IFITM10: variants seen among roughly 807,000 people sequenced by gnomAD.
IFITM10 encodes interferon-induced transmembrane protein 10.
IFITM10 carries 17 observed loss-of-function variants against 19.0 expected under a neutral mutation model. The ratio of observed to expected loss-of-function variants is 0.90; its 90% CI spans 0.61 to 1.34. IFITM10 has a LOEUF of 1.34. Among genes scored for constraint, IFITM10 ranks in the 40% most tolerant of loss-of-function variants. The probability of loss-of-function intolerance (pLI) is 0.00; values close to 1 mark genes in which losing one functional copy is unlikely to be tolerated. For synonymous variants in IFITM10, 148 were observed against 147.2 expected (o/e 1.01, Z -0.04); for missense variants, 306 against 319.8 (o/e 0.96, Z 0.33).
chr11:1,737,731 A>C (rs1346045910), intron 2 of IFITM10, among the ~76,000 whole-genome samples: 1 of 152,238 alleles, frequency 6.6e-6, no homozygotes, highest in East Asian at 1.9e-4. Context: ...GATAATGCTC[A>C]TCTTATCATT....
At chr11:1,740,371 G>T (rs1457078195) in intron 2 of IFITM10, among the ~76,000 whole-genome samples, 2 of 151,438 alleles carry the variant, frequency 1.3e-5, no homozygotes, top group Admixed American at 1.3e-4. Context: ...AATGGTCCAG[G>T]GGAGGGTGAG....
chr11:1,742,915 TG>T (rs1777071216), intron 2 of IFITM10, among the ~76,000 whole-genome samples: 1 of 150,892 alleles, frequency 6.6e-6, no homozygotes, highest in South Asian at 2.1e-4. Flanking sequence ...AGATGGAGGA[TG>T]GATAGATGGA....
chr11:1,750,311 C>T (rs1246435168), intron 1 of IFITM10, 48 bp downstream of exon 1: 2 of 1,550,308 alleles, frequency 1.3e-6, no homozygotes, highest in African/African-American at 2.7e-5. Flanking sequence ...CCCTCCAAGT[C>T]CCCCACTTCA....
chr11:1,734,302 C>G lies in IFITM10; in HGVS notation c.*978G>C, dbSNP rs550201516. On this transcript the variant is annotated 3_prime_UTR_variant, in exon 3 of 3. Coordinates refer to ENST00000340134, the MANE Select transcript of IFITM10 (RefSeq NM_001170820.4). Reference sequence around the variant, plus strand: ...CTGCACATGCCATGGGCCGTCAGGGCGCTGGCCTCGGCCTTTGAAAGGCAT... The same window carrying G: ...CTGCACATGCCATGGGCCGTCAGGGGGCTGGCCTCGGCCTTTGAAAGGCAT... The G allele has an allele frequency of 3.3e-5, 5 of 152,126 alleles. No individual in the cohort carries two copies. Among genetic ancestry groups the G allele is most frequent in the African/African-American group, 9.7e-5 (4 of 41,402 alleles). The allele number at this position is 152,126 out of a possible 1,614,324, so 9.4% of individuals were successfully genotyped here.
At chr11:1,740,154 T>G (rs149608686) in intron 2 of IFITM10, among the ~76,000 whole-genome samples, 1,857 of 151,682 alleles carry the variant, frequency 0.012, 39 homozygotes, top group African/African-American at 0.042. Context: ...ACAAAAATTA[T>G]CCAGGTGTGG....
At chr11:1,748,225 C>T (rs1459108206) in intron 1 of IFITM10, 106 bp from the exon 2 acceptor site, 4 of 898,130 alleles carry the variant, frequency 4.5e-6, no homozygotes, top group African/African-American at 3.5e-5. Flanking sequence ...GAAATCCCTG[C>T]GGGGGCCGCC....
Position 1,735,403 on chromosome 11 carries a change from G to A in IFITM10, c.564C>T (p.Asp188=). Residue 188 remains aspartate, a synonymous_variant, in exon 3 of 3, where the codon GAC becomes GAT. Transcript: ENST00000340134. ...TTGCATCCTCCACGGCTCCATTCAG[G>A]TCATTGAGAAGCTTCTTGTCTCGCA... The part of the protein sequence containing the change: ...LKVRDKKLLN[D]LNGAVEDAKT... The A allele has an allele frequency of 2.6e-6, 4 of 1,551,632 alleles. No homozygotes were observed. The highest frequency in any genetic ancestry group is 3.5e-6 in the Non-Finnish European group (4 of 1,146,932).
chr11:1,747,981 C>T lies in IFITM10; in HGVS notation c.223G>A (p.Ala75Thr), dbSNP rs555924410. The change falls in exon 2 of 3, where the codon GCT (alanine) becomes ACT (threonine). Residue 75 changes from alanine to threonine, a missense_variant. Transcript: ENST00000340134. The part of the protein sequence containing the change: ...PPAGSPKGCF[A>T]CVSKPPALQA... ...AGGGCAGGGGGCTTGGACACGCAAG[C>T]GAAGCAGCCCTTGGGCGAACCTGCC... 1.5e-3 allele frequency: 2,146 copies of T among 1,452,364 alleles called. 5 individuals carry two copies. Among genetic ancestry groups the T allele is most frequent in the Middle Eastern group, 0.011 (60 of 5,454 alleles). The allele number at this position is 1,452,364 out of a possible 1,614,324, so 90.0% of individuals were successfully genotyped here.
In IFITM10 at chr11:1,748,105, G is replaced by A. The variant is rs1389860892; in HGVS notation, c.99C>T (p.Gly33=). The part of the protein sequence containing the change: ...AQWELEAQGP[G]QCPAPLGDPA... ...GGTCTCCCAGCGGGGCTGGGCACTGGCCGGGGCCCTGGGCCTGGAGAGGAG... is the reference window on the plus strand; with the variant it reads ...GGTCTCCCAGCGGGGCTGGGCACTGACCGGGGCCCTGGGCCTGGAGAGGAG... The change falls in exon 2 of 3, where the codon GGC becomes GGT. Residue 33 remains glycine (G), a synonymous_variant. Coordinates refer to ENST00000340134, the MANE Select transcript of IFITM10 (RefSeq NM_001170820.4). 1 of 1,391,696 alleles carries A rather than the reference G, an allele frequency of 7.2e-7. No individual in the cohort carries two copies. The highest frequency in any genetic ancestry group is 9.2e-7 in the Non-Finnish European group (1 of 1,081,082). The allele number at this position is 1,391,696 out of a possible 1,614,324, so 86.2% of individuals were successfully genotyped here. A position where few individuals can be genotyped will look rare whatever the true frequency, so the allele number is the denominator to read the frequency against.
intron 1 of IFITM10, chr11:1,748,578 C>A (rs1845681146): frequency 1.3e-5 from 2 of 152,696 alleles, no homozygotes; most frequent in South Asian, 4.1e-4. Context: ...CACCCGATAC[C>A]GCCACGGGCA....
chr11:1,735,069 A>C lies in IFITM10; in HGVS notation c.*211T>G. ...CCCAGACACAGGCAGGGTGGAGGCCAGGAGGCGGAGGGGGTGGACTGAGGG... is the reference window on the plus strand; with the variant it reads ...CCCAGACACAGGCAGGGTGGAGGCCCGGAGGCGGAGGGGGTGGACTGAGGG... On this transcript the variant is annotated 3_prime_UTR_variant, in exon 3 of 3. Coordinates refer to ENST00000340134, the MANE Select transcript of IFITM10 (RefSeq NM_001170820.4). 1 of 567,692 alleles carries C rather than the reference A, an allele frequency of 1.8e-6. No individual in the cohort carries two copies. The highest frequency in any genetic ancestry group is 3.1e-6 in the Non-Finnish European group (1 of 322,664). 35.2% of individuals were successfully genotyped at this position (567,692 alleles called of 1,614,324 possible). A position where few individuals can be genotyped will look rare whatever the true frequency, so the allele number is the denominator to read the frequency against.
chr11:1,743,367 T>C (rs1432228197), intron 2 of IFITM10, among the ~76,000 whole-genome samples: 1 of 143,646 alleles, frequency 7.0e-6, no homozygotes, highest in African/African-American at 2.6e-5. Context: ...GATGGACAGA[T>C]GGAGGATGGA....
At chr11:1,746,286 A>G in intron 2 of IFITM10, 1 of 329,256 alleles carries the variant, frequency 3.0e-6, no homozygotes, top group Non-Finnish European at 5.5e-6. Flanking sequence ...ATGCACACAT[A>G]TGCATTCACA....
chr11:1,735,761 A>G (rs534452543), intron 2 of IFITM10, among the ~76,000 whole-genome samples: 1 of 152,306 alleles, frequency 6.6e-6, no homozygotes, highest in Admixed American at 6.5e-5. Flanking sequence ...GATATAAAGA[A>G]ATTCCTTGTT....
Position 1,747,866 on chromosome 11 carries a change from G to C in IFITM10, c.338C>G (p.Thr113Ser), listed in dbSNP as rs535877591. The C allele has an allele frequency of 2.1e-4, 328 of 1,536,978 alleles. 3 individuals are homozygous for C. In the South Asian group the frequency reaches 3.8e-3, roughly 18 times the overall value. ...CGCGCCGGCAGCCCGCACGCTGTCGGTCTTGCTGCTCTTGGACTCCATGGG... is the reference window on the plus strand; with the variant it reads ...CGCGCCGGCAGCCCGCACGCTGTCGCTCTTGCTGCTCTTGGACTCCATGGG... ...LFPMESKSSK[T>S]DSVRAAGAPP... Residue 113 changes from threonine to serine, a missense_variant, in exon 2 of 3, where the codon ACC (threonine) becomes AGC (serine). Physicochemically the swap from Thr to Ser is moderately conservative, Grantham distance 58. Transcript: ENST00000340134.
chr11:1,738,951 G>C (rs985990664), intron 2 of IFITM10, among the ~76,000 whole-genome samples: 2 of 151,086 alleles, frequency 1.3e-5, no homozygotes, highest in Non-Finnish European at 2.9e-5. Flanking sequence ...CTACTTGGGA[G>C]GCTGAGGCAG....
intron 2 of IFITM10, among the ~76,000 whole-genome samples, chr11:1,738,152 G>A (rs149770979): frequency 6.6e-6 from 1 of 152,266 alleles, no homozygotes; most frequent in Non-Finnish European, 1.5e-5. Flanking sequence ...TGTGCTGGGT[G>A]GGGAGGAGGG....
At chr11:1,744,899 T>G (rs1845620426) in intron 2 of IFITM10, 1 of 152,236 alleles carries the variant, frequency 6.6e-6, no homozygotes, top group South Asian at 2.1e-4. Context: ...TGGTGTAGGG[T>G]GCAGGTCAGG....
intron 1 of IFITM10, chr11:1,749,082 C>A: frequency 8.7e-7 from 1 of 1,144,454 alleles, no homozygotes. Context: ...TCCGCCGTCC[C>A]GCGGGCCGCT....
Sources: gnomAD v4.1 joint callset for allele counts (sites outside exome capture counted in the v4.1 genomes callset) on GRCh38, gnomAD v4.1.1 for gene constraint, MANE v1.5 for transcripts, NCBI Gene and HGNC (gene_info 2026-07-23, HGNC 2026-07-21) for gene names.